Variants in C8A observed in about 807,000 individuals in gnomAD.
C8A encodes the protein complement C8 alpha chain, also known as complement component C8 alpha chain.
In C8A, 67 loss-of-function variants were observed where a neutral mutation model predicts 65.3. The observed-to-expected ratio is 1.03, with a 90% confidence interval of 0.84 to 1.26. The LOEUF (loss-of-function observed/expected upper bound fraction) is 1.26. C8A is among the 50% of genes most tolerant of loss of function. C8A has a pLI of 0.00. For synonymous variants in C8A, 290 were observed against 259.4 expected (o/e 1.12, Z -1.13); for missense variants, 781 against 723.9 (o/e 1.08, Z -0.90).
chr1:56,897,754 C>G (rs1475815657), intron 7 of C8A, among the ~76,000 whole-genome samples: 1 of 152,062 alleles, frequency 6.6e-6, no homozygotes, highest in Non-Finnish European at 1.5e-5. Context: ...AAGTTGGAAA[C>G]AGGAAACAAT....
intron 10 of C8A, among the ~76,000 whole-genome samples, chr1:56,914,476 A>C (rs1644535906): frequency 6.6e-6 from 1 of 152,152 alleles, no homozygotes; most frequent in Non-Finnish European, 1.5e-5. Context: ...TTTAAATGCA[A>C]AATTGAATTT....
In C8A at chr1:56,911,067, T is replaced by G. The variant is rs1325793610; in HGVS notation, c.1381-1336T>G. On this transcript the variant is annotated intron_variant, in intron 9 of 10. Transcript: ENST00000361249. ...TGCATGCAATTTGAAAAACATGGGT[T>G]TTTTTTTTTTTTTTACTATTATCAC... Among the ~76,000 whole-genome samples, 422 of 142,042 alleles carry G rather than the reference T, an allele frequency of 3.0e-3. 4 individuals are homozygous for G. Among genetic ancestry groups the G allele is most frequent in the African/African-American group, 0.012 (394 of 33,586 alleles). 93.2% of individuals were successfully genotyped at this position (142,042 alleles called of 152,430 possible). A position where few individuals can be genotyped will look rare whatever the true frequency, so the allele number is the denominator to read the frequency against.
At chr1:56,867,768 A>C in intron 2 of C8A, 66 bp downstream of exon 2, 1 of 1,173,584 alleles carries the variant, frequency 8.5e-7, no homozygotes, top group East Asian at 2.4e-5. Context: ...ATTCAAATGG[A>C]GATTAAGCAG....
intron 4 of C8A, among the ~76,000 whole-genome samples, chr1:56,876,415 G>A (rs1279451110): frequency 1.3e-5 from 2 of 151,550 alleles, no homozygotes; most frequent in East Asian, 2.0e-4. Context: ...CTGCTTGAGA[G>A]TTCTCCTCTC....
chr1:56,911,065 G>GTTTT (rs11325191), intron 9 of C8A, among the ~76,000 whole-genome samples: 3 of 141,882 alleles, frequency 2.1e-5, no homozygotes, highest in East Asian at 2.0e-4. Context: ...AAAAACATGG[G>GTTTT]TTTTTTTTTT....
intron 7 of C8A, among the ~76,000 whole-genome samples, chr1:56,905,824 G>A (rs191373645): frequency 2.0e-5 from 3 of 152,300 alleles, no homozygotes; most frequent in Admixed American, 2.0e-4. Context: ...CTGTAGCATG[G>A]GCAATATTCC....
chr1:56,912,525 T>G lies in C8A; in HGVS notation c.1503T>G (p.Pro501=). The part of the protein sequence containing the change: ...LMEFNACRCG[P]CFNNGVPILE... ...AATTCAATGCCTGCCGATGTGGGCC[T>G]TGCTTCAACAATGGGGTGCCCATCC... is the stretch of plus-strand genomic sequence containing the variant. The change falls in exon 10 of 11, where the codon CCT becomes CCG. Residue 501 remains proline (P), a synonymous_variant. Transcript: ENST00000361249. The G allele has an allele frequency of 6.2e-7, 1 of 1,614,168 alleles. No individual in the cohort carries two copies. Among genetic ancestry groups the G allele is most frequent in the South Asian group, 1.1e-5 (1 of 91,088 alleles).
At chr1:56,910,473 T>C (rs1275135128) in intron 9 of C8A, among the ~76,000 whole-genome samples, 1 of 152,194 alleles carries the variant, frequency 6.6e-6, no homozygotes, top group African/African-American at 2.4e-5. Flanking sequence ...TTCCTGTGGT[T>C]CCTGGGAGGG....
chr1:56,876,293 C>T, intron 4 of C8A, 84 bp downstream of exon 4: 5 of 1,545,322 alleles, frequency 3.2e-6, no homozygotes, highest in Non-Finnish European at 3.6e-6. Flanking sequence ...CAGAAGGGGG[C>T]CATTTTGGAG....
Position 56,905,391 on chromosome 1 carries a change from T to C in C8A, c.1097-1276T>C, listed in dbSNP as rs373828104. 2.7e-3 allele frequency among the ~76,000 whole-genome samples: 410 copies of C among 152,370 alleles called. 28 individuals are homozygous for C. In the South Asian group the frequency reaches 0.079, roughly 29 times the overall value. ...ATTTGAATTTAGGACTTATGACTTCTAAGTTTCCTTCCATCAGAAACCCTT... is the reference window on the plus strand; with the variant it reads ...ATTTGAATTTAGGACTTATGACTTCCAAGTTTCCTTCCATCAGAAACCCTT... On this transcript the variant is annotated intron_variant, in intron 7 of 10. Transcript: ENST00000361249.
intron 4 of C8A, among the ~76,000 whole-genome samples, chr1:56,880,462 A>C (rs1297480163): frequency 6.6e-6 from 1 of 152,272 alleles, no homozygotes; most frequent in East Asian, 1.9e-4. Context: ...TATTCTTTAA[A>C]TGAGGAAAAT....
intron 1 of C8A, among the ~76,000 whole-genome samples, chr1:56,865,416 A>T (rs1304113484): frequency 6.6e-6 from 1 of 152,156 alleles, no homozygotes; most frequent in African/African-American, 2.4e-5. Flanking sequence ...CACGTGGTGG[A>T]AGGGATGTGG....
chr1:56,868,047 A>G (rs1468916754), intron 2 of C8A, among the ~76,000 whole-genome samples: 2 of 152,156 alleles, frequency 1.3e-5, no homozygotes, highest in Admixed American at 6.5e-5. Context: ...GAAACAAAAT[A>G]CAAAGCTGCC....
At chr1:56,894,960 G>A (rs551346855) in intron 7 of C8A, among the ~76,000 whole-genome samples, 48 of 151,942 alleles carry the variant, frequency 3.2e-4, no homozygotes, top group Middle Eastern at 3.4e-3. Flanking sequence ...ATGTTTTTGC[G>A]TATAATAACA....
In C8A at chr1:56,875,073, A is replaced by G. The variant is rs1557701063; in HGVS notation, c.296A>G (p.Asp99Gly). The part of the protein sequence containing the change: ...TCVRQAQCGQ[D>G]FQCKETGRCL... ...GTAAGGCAAGCACAGTGTGGACAGG[A>G]TTTCCAGTGTAAGGAGACAGGTGAG... The change falls in exon 3 of 11, where the codon GAT becomes GGT. Residue 99 changes from aspartate (D) to glycine (G), a missense_variant. Coordinates refer to ENST00000361249, the MANE Select transcript of C8A (RefSeq NM_000562.3). 2 of 1,613,634 alleles carry G rather than the reference A, an allele frequency of 1.2e-6. No individual in the cohort carries two copies. The highest frequency in any genetic ancestry group is 8.5e-7 in the Non-Finnish European group (1 of 1,179,734).
At chr1:56,889,165 A>G (rs1427464792) in intron 7 of C8A, among the ~76,000 whole-genome samples, 1 of 152,186 alleles carries the variant, frequency 6.6e-6, no homozygotes, top group Non-Finnish European at 1.5e-5. Flanking sequence ...TGTCGATAAT[A>G]GCACAATTTG....
rs1222378338 is a variant in C8A, at chr1:56,881,464, G to C, written c.484G>C (p.Glu162Gln). 6.2e-7 allele frequency: 1 copy of C among 1,613,672 alleles called. No homozygotes were observed. The highest frequency in any genetic ancestry group is 1.3e-5 in the African/African-American group (1 of 74,998). Residue 162 changes from glutamate to glutamine, a missense_variant, in exon 5 of 11, where the codon GAA (glutamate) becomes CAA (glutamine). Coordinates refer to ENST00000361249, the MANE Select transcript of C8A (RefSeq NM_000562.3). ...ATGTAGGTACAATATCCTGACCCAG[G>C]AAGATGCTCAGAGTGTGTACGATGC... is the stretch of plus-strand genomic sequence containing the variant. ...AALGYNILTQ[E>Q]DAQSVYDASY...
chr1:56,896,918 C>A (rs1220237801), intron 7 of C8A, among the ~76,000 whole-genome samples: 1 of 152,172 alleles, frequency 6.6e-6, no homozygotes, highest in Non-Finnish European at 1.5e-5. Context: ...TTGTGGCAAC[C>A]CTTCAAGCTC....
rs368804971 is a variant in C8A, at chr1:56,915,490, C to T, written c.1604-2075C>T. 3.4e-4 allele frequency among the ~76,000 whole-genome samples: 52 copies of T among 152,302 alleles called. No individual in the cohort carries two copies. In the East Asian group the frequency reaches 8.5e-3, roughly 25 times the overall value. ...GCCGAGCTCAAGGGCCCAGGGCTTT[C>T]CTGACTTCCCAAGCAGGGTATGGAC... is the stretch of plus-strand genomic sequence containing the variant. On this transcript the variant is annotated intron_variant, in intron 10 of 10. Coordinates refer to ENST00000361249, the MANE Select transcript of C8A (RefSeq NM_000562.3).
Sources: gnomAD v4.1 joint callset for allele counts (sites outside exome capture counted in the v4.1 genomes callset) on GRCh38, gnomAD v4.1.1 for gene constraint, MANE v1.5 for transcripts, NCBI Gene and HGNC (gene_info 2026-07-23, HGNC 2026-07-21) for gene names.